The following CPSF4L variants were observed in gnomAD, a reference collection of about 807,000 sequenced individuals.
CPSF4L encodes putative cleavage and polyadenylation specificity factor subunit 4-like protein.
CPSF4L carries 18 observed loss-of-function variants against 24.0 expected under a neutral mutation model. That is an observed-to-expected ratio of 0.75 (90% CI 0.52 to 1.11). CPSF4L has a LOEUF of 1.11. Among genes scored for constraint, CPSF4L ranks in the 50% least tolerant of loss-of-function variants. CPSF4L has a pLI of 0.00. For missense variants in CPSF4L, 211 were observed against 221.8 expected, an observed-to-expected ratio of 0.95 and a Z score of 0.31; for synonymous variants, 72 against 77.2, an observed-to-expected ratio of 0.93 and a Z score of 0.35.
intron 3 of CPSF4L, 73 bp from the exon 4 acceptor site, chr17:73,254,099 C>A: frequency 8.5e-7 from 1 of 1,178,556 alleles, no homozygotes; most frequent in East Asian, 2.6e-5. Context: ...ACCAGATTGA[C>A]CTTGCCCCTC....
At chr17:73,246,064 A>T (rs910391925), downstream of CPSF4L, among the ~76,000 whole-genome samples, 5 of 152,114 alleles carry the variant, frequency 3.3e-5, no homozygotes, top group African/African-American at 1.2e-4. Context: ...TTACAGGTAG[A>T]AAAAGCTTTG....
intron 5 of CPSF4L, among the ~76,000 whole-genome samples, chr17:73,252,232 C>T (rs188054055): frequency 6.6e-6 from 1 of 152,176 alleles, no homozygotes; most frequent in Non-Finnish European, 1.5e-5. Context: ...CAGCCCAGCT[C>T]TCGCCCTCCC....
At chr17:73,260,848 AG>A in intron 2 of CPSF4L, 84 bp downstream of exon 2, 1 of 1,125,292 alleles carries the variant, frequency 8.9e-7, no homozygotes, top group Non-Finnish European at 1.3e-6. Flanking sequence ...ACCCTATCCC[AG>A]GCCAGGCAGA....
chr17:73,248,506 T>C lies in CPSF4L; in HGVS notation c.528A>G (p.Gly176=). 1 of 1,551,694 alleles carries C rather than the reference T, an allele frequency of 6.4e-7. No homozygotes were observed. Among genetic ancestry groups the C allele is most frequent in the Non-Finnish European group, 8.7e-7 (1 of 1,146,978 alleles). Residue 176 remains glycine, a synonymous_variant, in exon 6 of 6, where the codon GGA becomes GGG. Coordinates refer to ENST00000344935, the MANE Select transcript of CPSF4L (RefSeq NM_001129885.1). ...TAAGAAGCAACGCTTAGATCTTGCTTCCAGGCAGCAGCTTGAATTCCCGAA... is the reference window on the plus strand; with the variant it reads ...TAAGAAGCAACGCTTAGATCTTGCTCCCAGGCAGCAGCTTGAATTCCCGAA... ...QKIREFKLLP[G]SKI
intron 5 of CPSF4L, chr17:73,250,090 A>T: frequency 1.7e-6 from 1 of 581,488 alleles, no homozygotes; most frequent in Non-Finnish European, 2.8e-6. Context: ...TCGTTCACTT[A>T]CAGGATCAAA....
At chr17:73,243,068 A>G in the CPSF4L span, 3 of 994,812 alleles carry the variant, frequency 3.0e-6, no homozygotes, top group South Asian at 4.4e-5. Flanking sequence ...CCTCCAAGGG[A>G]TTCTCTGAAT....
upstream of CPSF4L, chr17:73,262,043 C>T (rs2062049068): frequency 1.8e-6 from 1 of 568,760 alleles, no homozygotes; most frequent in East Asian, 2.9e-5. Context: ...CCCCAGGGCC[C>T]CTCACCCCCA....
At chr17:73,248,843 T>C in intron 5 of CPSF4L, 1 of 319,138 alleles carries the variant, frequency 3.1e-6, no homozygotes, top group Non-Finnish European at 5.8e-6. Flanking sequence ...TTAAAATTTA[T>C]TTTAGCTGTT....
downstream of CPSF4L, chr17:73,245,276 A>G: frequency 6.5e-7 from 1 of 1,529,834 alleles, no homozygotes; most frequent in South Asian, 1.3e-5. Flanking sequence ...CAGTTTAAAA[A>G]TGTATAATAT....
the CPSF4L span, among the ~76,000 whole-genome samples, chr17:73,242,644 C>T: frequency 2.0e-5 from 3 of 152,182 alleles, no homozygotes; most frequent in Non-Finnish European, 4.4e-5. Context: ...AACTCTAAAC[C>T]TCAAGTTAAC....
the CPSF4L span, chr17:73,242,281 T>A: frequency 6.2e-7 from 1 of 1,605,872 alleles, no homozygotes; most frequent in Admixed American, 1.7e-5. Flanking sequence ...ATATAAGGAG[T>A]TTGGAACCCC....
At chr17:73,242,407 GTT>G in the CPSF4L span, 1 of 1,233,572 alleles carries the variant, frequency 8.1e-7, no homozygotes, top group African/African-American at 1.5e-5. Context: ...ATTTGGAAAA[GTT>G]TCTCTTCGGG....
chr17:73,251,151 G>T (rs2145274608), intron 5 of CPSF4L: 3 of 1,480,592 alleles, frequency 2.0e-6, no homozygotes, highest in East Asian at 5.0e-5. Flanking sequence ...GATAGTCCCT[G>T]TGTGCAGACA....
chr17:73,257,707 G>A lies in CPSF4L; in HGVS notation c.281C>T (p.Pro94Leu), dbSNP rs2062028802. The A allele has an allele frequency of 1.9e-6, 3 of 1,551,570 alleles. No homozygotes were observed. Among genetic ancestry groups the A allele is most frequent in the Admixed American group, 3.9e-5 (2 of 50,930 alleles). Residue 94 changes from proline to leucine, a missense_variant, in exon 3 of 6, where the codon CCT (proline) becomes CTT (leucine). Coordinates refer to ENST00000344935, the MANE Select transcript of CPSF4L (RefSeq NM_001129885.1). ...AAACTTGGAGTAGAAGTAGCACTCAGGCATCCTGGTGAGGTCATACTGGTG... is the reference window on the plus strand; with the variant it reads ...AAACTTGGAGTAGAAGTAGCACTCAAGCATCCTGGTGAGGTCATACTGGTG... ...FLHQYDLTRM[P>L]ECYFYSKFGD...
intron 4 of CPSF4L, among the ~76,000 whole-genome samples, chr17:73,253,571 A>G (rs1379055792): frequency 1.3e-5 from 2 of 152,236 alleles, no homozygotes; most frequent in Admixed American, 1.3e-4. Context: ...AGCAACACTC[A>G]GGACCCCCCA....
At chr17:73,252,038 GGAGA>G (rs1177675685) in intron 5 of CPSF4L, among the ~76,000 whole-genome samples, 1 of 152,252 alleles carries the variant, frequency 6.6e-6, no homozygotes, top group Admixed American at 6.5e-5. Context: ...GCCTTTCAAA[GGAGA>G]GTGAGGGTTC....
chr17:73,263,413 T>C (rs1219384186), upstream of CPSF4L, among the ~76,000 whole-genome samples: 7 of 151,934 alleles, frequency 4.6e-5, no homozygotes, highest in African/African-American at 9.7e-5. Context: ...ATTCACACAA[T>C]AATGCGATGG....
At chr17:73,257,938 C>T (rs984186587) in intron 2 of CPSF4L, 105 bp from the exon 3 acceptor site, 10 of 1,222,814 alleles carry the variant, frequency 8.2e-6, no homozygotes, top group East Asian at 2.6e-5. Context: ...CAGTCCCCAG[C>T]GGCTGTCCCC....
At chr17:73,247,305 G>T (rs368091108), downstream of CPSF4L, 1 of 1,614,198 alleles carries the variant, frequency 6.2e-7, no homozygotes, top group Admixed American at 1.7e-5. Flanking sequence ...TGGCGAAGAC[G>T]ACTGGGGATT....
Sources: allele counts gnomAD v4.1 joint callset (sites outside exome capture counted in the v4.1 genomes callset), GRCh38; gene constraint gnomAD v4.1.1; transcripts MANE v1.5; gene names NCBI Gene and HGNC (gene_info 2026-07-23, HGNC 2026-07-21).